VAV2: variants seen among roughly 807,000 people sequenced by gnomAD.
VAV2 encodes the protein guanine nucleotide exchange factor VAV2.
Under a neutral mutation model 132.5 loss-of-function variants are expected in VAV2, and 67 were observed. That is an observed-to-expected ratio of 0.51 (90% confidence interval 0.42 to 0.62). The LOEUF (loss-of-function observed/expected upper bound fraction) is 0.62. Ranked by LOEUF, VAV2 falls within the 20% of genes least tolerant of loss-of-function variation. VAV2 has a pLI of 0.00. For synonymous variants in VAV2, 492 were observed against 443.5 expected (o/e 1.11, Z -1.37); for missense variants, 938 against 1,153.6 (o/e 0.81, Z 2.71).
At chr9:133,773,967 G>T (rs1272442826) in intron 25 of VAV2, among the ~76,000 whole-genome samples, 1 of 152,172 alleles carries the variant, frequency 6.6e-6, no homozygotes, top group Non-Finnish European at 1.5e-5. Flanking sequence ...CAGGCCATGG[G>T]AACATTTCAG....
intron 1 of VAV2, among the ~76,000 whole-genome samples, chr9:133,943,322 C>T (rs147332067): frequency 6.6e-5 from 10 of 152,310 alleles, no homozygotes; most frequent in African/African-American, 9.6e-5. Flanking sequence ...ATCATGGCCA[C>T]AGGGGCCCAC....
intron 1 of VAV2, among the ~76,000 whole-genome samples, chr9:133,940,865 T>C (rs551800903): frequency 5.5e-4 from 83 of 151,634 alleles, no homozygotes; most frequent in South Asian, 1.7e-3. Context: ...ATCTTATCTA[T>C]AGACCTTACT....
chr9:133,911,052 G>A (rs2789829), intron 2 of VAV2, among the ~76,000 whole-genome samples: 142,896 of 152,202 alleles, frequency 0.94, 67,338 homozygotes, highest in East Asian at 1. Context: ...TCCTGGCCAG[G>A]CTACATGGGC....
At chr9:133,805,315 T>C (rs1835089931) in intron 9 of VAV2, among the ~76,000 whole-genome samples, 1 of 152,152 alleles carries the variant, frequency 6.6e-6, no homozygotes, top group Admixed American at 6.5e-5. Context: ...AGCTCCCCAG[T>C]GGCTCTAGTG....
intron 13 of VAV2, among the ~76,000 whole-genome samples, chr9:133,791,453 G>T (rs1314989495): frequency 6.6e-6 from 1 of 152,156 alleles, no homozygotes; most frequent in African/African-American, 2.4e-5. Context: ...TCTCCTCTTG[G>T]ACTTGAAGGG....
At chr9:133,791,281 G>A (rs1834448378) in intron 13 of VAV2, among the ~76,000 whole-genome samples, 1 of 152,178 alleles carries the variant, frequency 6.6e-6, no homozygotes, top group Non-Finnish European at 1.5e-5. Flanking sequence ...GCCCCAGGAG[G>A]TGGCAGCCCT....
rs757372611 is a variant in VAV2, at chr9:133,778,878, C to T, written c.1774G>A (p.Val592Met). 1 of 1,612,536 alleles carries T rather than the reference C, an allele frequency of 6.2e-7. No individual in the cohort carries two copies. The highest frequency in any genetic ancestry group is 1.7e-5 in the Admixed American group (1 of 60,012). Residue 592 changes from valine (V) to methionine (M), a missense_variant, in exon 22 of 30, where the codon GTG becomes ATG. Transcript: ENST00000371850. Reference protein sequence around the residue: ...ASGAGPGPKMVAMQNYHGNPA... With the variant: ...ASGAGPGPKMMAMQNYHGNPA... ...TTGCCATGGTAATTCTGCATGGCCA[C>T]CATCTTGGGACCTGCAAAGGATAGG...
intron 19 of VAV2, among the ~76,000 whole-genome samples, chr9:133,781,786 A>AG (rs1222137247): frequency 6.6e-6 from 1 of 152,156 alleles, no homozygotes; most frequent in South Asian, 2.1e-4. Context: ...AGGGATGAGG[A>AG]GGGGGGCAAG....
At chr9:133,941,953 A>G (rs1309823964) in intron 1 of VAV2, among the ~76,000 whole-genome samples, 3 of 152,056 alleles carry the variant, frequency 2.0e-5, no homozygotes, top group African/African-American at 7.2e-5. Context: ...CACAGAGAGA[A>G]AGGAGAATAG....
chr9:133,775,974 C>T, intron 24 of VAV2, 54 bp downstream of exon 24: 1 of 1,565,256 alleles, frequency 6.4e-7, no homozygotes, highest in Middle Eastern at 1.7e-4. Context: ...CGGGCATGCC[C>T]CCATAACAAA....
rs1041764284 is a variant in VAV2 at position 133,833,931 on chromosome 9, C to A, written c.449+341G>T. On this transcript the variant is annotated intron_variant, in intron 4 of 29. Transcript: ENST00000371850. The surrounding 1 kb of genome is among the most constrained non-coding windows in gnomAD (Gnocchi z 5.6). ...CGGCTTGGGGAGCATGGCCAGCCCCCTCTCTGCCCCACAGCTTCGCAGAGA... is the reference window on the plus strand; with the variant it reads ...CGGCTTGGGGAGCATGGCCAGCCCCATCTCTGCCCCACAGCTTCGCAGAGA... Among the ~76,000 whole-genome samples the A allele has an allele frequency of 2.6e-5, 4 of 152,350 alleles. No homozygotes were observed. In the East Asian group the frequency reaches 7.7e-4, roughly 29 times the overall value.
intron 1 of VAV2, among the ~76,000 whole-genome samples, chr9:133,943,839 G>T (rs1311562530): frequency 6.6e-6 from 1 of 152,222 alleles, no homozygotes; most frequent in Non-Finnish European, 1.5e-5. Flanking sequence ...TTTCTCTCCG[G>T]CCCATTCATC....
intron 2 of VAV2, among the ~76,000 whole-genome samples, chr9:133,878,789 G>A (rs1402673915): frequency 6.6e-6 from 1 of 152,236 alleles, no homozygotes; most frequent in Non-Finnish European, 1.5e-5. Flanking sequence ...GTTTCCAATG[G>A]GTGTGCAAAG....
At chr9:133,812,335 G>A in intron 4 of VAV2, 119 bp from the exon 5 acceptor site, 2 of 901,300 alleles carry the variant, frequency 2.2e-6, no homozygotes, top group Non-Finnish European at 3.5e-6. Context: ...GAGGTCACCT[G>A]CCCGGGCCTC....
intron 3 of VAV2, among the ~76,000 whole-genome samples, chr9:133,853,494 C>T (rs187983679): frequency 6.6e-6 from 1 of 152,238 alleles, no homozygotes; most frequent in African/African-American, 2.4e-5. Context: ...TGAGTCCCAC[C>T]CACCAGTGGC....
intron 2 of VAV2, among the ~76,000 whole-genome samples, chr9:133,886,161 T>TG (rs1451258056): frequency 6.6e-6 from 1 of 152,026 alleles, no homozygotes; most frequent in Non-Finnish European, 1.5e-5. Context: ...AGCACCCATG[T>TG]GGGACCCAGG....
At chr9:133,803,100 C>A (rs750040548) in intron 9 of VAV2, among the ~76,000 whole-genome samples, 11 of 152,154 alleles carry the variant, frequency 7.2e-5, no homozygotes, top group Non-Finnish European at 1.2e-4. Context: ...AGGAACCATC[C>A]ACAGGGCAGC....
At chr9:133,947,336 G>A (rs1841395962) in intron 1 of VAV2, among the ~76,000 whole-genome samples, 1 of 152,146 alleles carries the variant, frequency 6.6e-6, no homozygotes, top group Admixed American at 6.5e-5. Flanking sequence ...AGCAGGGGGC[G>A]GGGGTGGTCC....
At chr9:133,795,959 G>T (rs1479513031) in intron 11 of VAV2, among the ~76,000 whole-genome samples, 1 of 152,250 alleles carries the variant, frequency 6.6e-6, no homozygotes, top group Non-Finnish European at 1.5e-5. Flanking sequence ...AAACCTTGTG[G>T]ATAAGGGAAG....
Sources: allele counts gnomAD v4.1 joint callset (sites outside exome capture counted in the v4.1 genomes callset), GRCh38; gene constraint gnomAD v4.1.1; non-coding constraint Gnocchi (gnomAD v3.1); transcripts MANE v1.5; gene names NCBI Gene and HGNC (gene_info 2026-07-23, HGNC 2026-07-21).